NUBPL: variants seen among roughly 807,000 people sequenced by gnomAD.
The protein encoded by NUBPL is NUBP iron-sulfur cluster assembly factor, mitochondrial, also known as iron-sulfur cluster transfer protein NUBPL.
A neutral mutation model predicts 45.7 loss-of-function variants in NUBPL; 31 were observed. The ratio of observed to expected loss-of-function variants is 0.68; its 90% CI spans 0.51 to 0.92. The LOEUF is 0.92. NUBPL is among the 40% of genes least tolerant of loss of function. NUBPL has a pLI of 0.00. For synonymous variants in NUBPL, 144 were observed against 140.9 expected (o/e 1.02, Z -0.15); for missense variants, 401 against 398.7 (o/e 1.01, Z -0.05).
intron 6 of NUBPL, among the ~76,000 whole-genome samples, chr14:31,781,591 A>G (rs75631123): frequency 0.016 from 2,454 of 152,330 alleles, 70 homozygotes; most frequent in African/African-American, 0.056. Flanking sequence ...ACCTCTTGCA[A>G]TCTTACCAGG....
At chr14:31,663,722 G>C (rs2139777778) in intron 4 of NUBPL, among the ~76,000 whole-genome samples, 1 of 152,218 alleles carries the variant, frequency 6.6e-6, no homozygotes, top group South Asian at 2.1e-4. Context: ...GGCTATGCAG[G>C]CTCTTTTTTT....
Position 31,700,674 on chromosome 14 carries a change from G to A in NUBPL, c.513+27100G>A, listed in dbSNP as rs575343287. Among the ~76,000 whole-genome samples, 3 of 152,300 alleles carry A rather than the reference G, an allele frequency of 2.0e-5. No homozygotes were observed. In the South Asian group the frequency reaches 6.2e-4, roughly 32 times the overall value. On this transcript the variant is annotated intron_variant, in intron 6 of 10. Coordinates refer to ENST00000281081, the MANE Select transcript of NUBPL (RefSeq NM_025152.3). ...AGTGCCACTGGCCCCGGGCAGTGAGGGGCTTAGCACCTGGGCCAGCAGCTG... is the reference window on the plus strand; with the variant it reads ...AGTGCCACTGGCCCCGGGCAGTGAGAGGCTTAGCACCTGGGCCAGCAGCTG...
chr14:31,714,323 A>G (rs980372087), intron 6 of NUBPL, among the ~76,000 whole-genome samples: 6 of 150,996 alleles, frequency 4.0e-5, no homozygotes, highest in East Asian at 1.9e-4. Flanking sequence ...TGAGACTTTG[A>G]AAAAAAAACA....
chr14:31,697,582 G>C (rs2037241384), intron 6 of NUBPL, among the ~76,000 whole-genome samples: 1 of 152,224 alleles, frequency 6.6e-6, no homozygotes, highest in East Asian at 1.9e-4. Context: ...AATATGAAAA[G>C]GCTGTTAGGG....
chr14:31,666,263 A>ATTATTT, intron 4 of NUBPL, among the ~76,000 whole-genome samples: 41,162 of 111,880 alleles, frequency 0.37, 9,616 homozygotes, highest in East Asian at 0.62. Context: ...ATATATATAT[A>ATTATTT]ATTTTATTTT....
At chr14:31,751,405 T>C (rs1341740628) in intron 6 of NUBPL, among the ~76,000 whole-genome samples, 1 of 152,252 alleles carries the variant, frequency 6.6e-6, no homozygotes, top group Non-Finnish European at 1.5e-5. Context: ...TGGGTAAATG[T>C]TTCTGTTTGA....
intron 6 of NUBPL, among the ~76,000 whole-genome samples, chr14:31,712,098 G>T (rs2037586399): frequency 2.0e-5 from 3 of 152,186 alleles, no homozygotes; most frequent in Non-Finnish European, 4.4e-5. Flanking sequence ...CTGGCTGCTG[G>T]CTGGGGTGGC....
At chr14:31,649,121 T>C (rs1292717112) in intron 4 of NUBPL, among the ~76,000 whole-genome samples, 1 of 152,238 alleles carries the variant, frequency 6.6e-6, no homozygotes, top group African/African-American at 2.4e-5. Flanking sequence ...AAGTTTTGTT[T>C]TTTTACTTCA....
rs76812280 is a variant in NUBPL, at chr14:31,634,068, C to G, written c.382+34689C>G. On this transcript the variant is annotated intron_variant, in intron 4 of 10. Transcript: ENST00000281081. ...AGTAAAAGAAGAAAAGCGACAAAAT[C>G]AGTTCTTTTTTTTTAATTTAATTTT... is the stretch of plus-strand genomic sequence containing the variant. Among the ~76,000 whole-genome samples, 13 of 151,592 alleles carry G rather than the reference C, an allele frequency of 8.6e-5. No homozygotes were observed. The East Asian group carries it at 2.5e-3, about 29-fold the overall frequency.
intron 6 of NUBPL, among the ~76,000 whole-genome samples, chr14:31,730,014 G>A (rs2139973488): frequency 6.6e-6 from 1 of 152,044 alleles, no homozygotes; most frequent in East Asian, 1.9e-4. Flanking sequence ...TTAAGTTAAG[G>A]GTGTTTCCTT....
Position 31,701,943 on chromosome 14 carries a change from A to G in NUBPL, c.513+28369A>G, listed in dbSNP as rs144254574. ...AGAGAACCCTTTGCAATATGTGAAT[A>G]GTTTAGGTCAAATAATGGTGTTAAA... On this transcript the variant is annotated intron_variant, in intron 6 of 10. Coordinates refer to ENST00000281081, the MANE Select transcript of NUBPL (RefSeq NM_025152.3). Among the ~76,000 whole-genome samples the G allele has an allele frequency of 2.4e-4, 37 of 152,314 alleles. No homozygotes were observed. The Middle Eastern group carries it at 0.01, about 42-fold the overall frequency.
At chr14:31,613,520 C>G (rs1036864819) in intron 4 of NUBPL, among the ~76,000 whole-genome samples, 1 of 151,686 alleles carries the variant, frequency 6.6e-6, no homozygotes, top group Non-Finnish European at 1.5e-5. Flanking sequence ...GGTGCGATCT[C>G]AGGTCACAGC....
intron 6 of NUBPL, among the ~76,000 whole-genome samples, chr14:31,785,606 A>G (rs1313771406): frequency 1.3e-5 from 2 of 152,188 alleles, no homozygotes; most frequent in Non-Finnish European, 2.9e-5. Flanking sequence ...AGTAAGGGAT[A>G]CCTGTAGTTT....
chr14:31,682,607 T>C (rs1717461193), intron 6 of NUBPL, among the ~76,000 whole-genome samples: 1 of 152,228 alleles, frequency 6.6e-6, no homozygotes, highest in Non-Finnish European at 1.5e-5. Context: ...GTTCTTTGAA[T>C]AAATGAAATA....
intron 6 of NUBPL, among the ~76,000 whole-genome samples, chr14:31,709,921 T>A (rs2037533415): frequency 6.6e-6 from 1 of 152,130 alleles, no homozygotes; most frequent in Admixed American, 6.5e-5. Context: ...AGCTGATAGG[T>A]CCTCCTGTGG....
At chr14:31,851,459 G>A (rs1191699414) in intron 10 of NUBPL, among the ~76,000 whole-genome samples, 7 of 152,124 alleles carry the variant, frequency 4.6e-5, no homozygotes, top group South Asian at 2.1e-4. Context: ...TGTTTTCTGC[G>A]TTTAGAGGTC....
chr14:31,765,144 A>C (rs1279376522), intron 6 of NUBPL, among the ~76,000 whole-genome samples: 1 of 152,198 alleles, frequency 6.6e-6, no homozygotes, highest in African/African-American at 2.4e-5. Flanking sequence ...ATATTCAAAA[A>C]AAAGGTCTGA....
chr14:31,576,638 T>A (rs2033725111), intron 3 of NUBPL, among the ~76,000 whole-genome samples: 1 of 152,224 alleles, frequency 6.6e-6, no homozygotes, highest in South Asian at 2.1e-4. Flanking sequence ...TCTATATGGC[T>A]TGATGATTCC....
chr14:31,736,772 T>G (rs1177502767), intron 6 of NUBPL, among the ~76,000 whole-genome samples: 2 of 152,240 alleles, frequency 1.3e-5, no homozygotes, highest in Non-Finnish European at 2.9e-5. Flanking sequence ...TAGTTGGTTC[T>G]GTCAAGCAGT....
Sources: gnomAD v4.1 joint callset for allele counts (sites outside exome capture counted in the v4.1 genomes callset) on GRCh38, gnomAD v4.1.1 for gene constraint, MANE v1.5 for transcripts, NCBI Gene and HGNC (gene_info 2026-07-23, HGNC 2026-07-21) for gene names.